SLC13A5: variants seen among roughly 807,000 people sequenced by gnomAD.
The protein encoded by SLC13A5 is Na(+)/citrate cotransporter.
Under a neutral mutation model 56.5 loss-of-function variants are expected in SLC13A5, and 25 were observed. The ratio of observed to expected loss-of-function variants is 0.44; its 90% CI spans 0.32 to 0.62. SLC13A5 has a LOEUF of 0.62. Among genes scored for constraint, SLC13A5 ranks in the 20% least tolerant of loss-of-function variants. The pLI, the probability that SLC13A5 is intolerant of heterozygous loss-of-function variation, is 0.04. For missense variants in SLC13A5, 649 were observed against 737.8 expected (o/e 0.88, Z 1.39); for synonymous variants, 307 against 301.5 (o/e 1.02, Z -0.19).
chr17:6,703,180 G>C (rs367646586), intron 4 of SLC13A5, 42 bp from the exon 5 acceptor site: 39 of 1,609,394 alleles, frequency 2.4e-5, no homozygotes, highest in African/African-American at 2.1e-4. Flanking sequence ...AGTCATGGGG[G>C]CTGCCCACCC....
chr17:6,706,695 C>G lies in SLC13A5; in HGVS notation c.315G>C (p.Leu105=). The G allele has an allele frequency of 6.2e-7, 1 of 1,613,932 alleles. No homozygotes were observed. Among genetic ancestry groups the G allele is most frequent in the Non-Finnish European group, 8.5e-7 (1 of 1,179,958 alleles). Residue 105 remains leucine (L), a synonymous_variant, in exon 3 of 12, where the codon CTG becomes CTC. Transcript: ENST00000433363. The part of the protein sequence containing the change: ...IVAVAVERWN[L]HKRIALRTLL... ...GCGTGCGCAGGGCGATCCTCTTGTG[C>G]AGGTTCCAGCGCTCCACAGCCACGG...
chr17:6,692,960 C>T lies in SLC13A5; in HGVS notation c.1275+84G>A. On this transcript the variant is annotated intron_variant, in intron 9 of 11. Transcript: ENST00000433363. The surrounding 1 kb of genome is among the most constrained non-coding windows in gnomAD (Gnocchi z 5.5). ...CGAAGGATGCAGGCACAGAAACACA[C>T]AAGCCCAGGGATGGAAGGGTGGAGA... 1 of 1,037,802 alleles carries T rather than the reference C, an allele frequency of 9.6e-7. No homozygotes were observed. The highest frequency in any genetic ancestry group is 1.7e-5 in the Admixed American group (1 of 58,366). The allele number at this position is 1,037,802 out of a possible 1,614,324, so 64.3% of individuals were successfully genotyped here.
chr17:6,699,084 T>TAAATAAATAAATA (rs1376978999), intron 6 of SLC13A5, among the ~76,000 whole-genome samples: 33 of 115,304 alleles, frequency 2.9e-4, no homozygotes, highest in African/African-American at 1.0e-3. Flanking sequence ...AATAAATAAA[T>TAAATAAATAAATA]AAATAAAATA....
chr17:6,698,668 C>T (rs1349105144), intron 6 of SLC13A5, among the ~76,000 whole-genome samples: 2 of 152,238 alleles, frequency 1.3e-5, no homozygotes, highest in African/African-American at 2.4e-5. Context: ...CTCCATGCCT[C>T]AGTTGCCTTG....
intron 10 of SLC13A5, chr17:6,689,989 C>G (rs183505173): frequency 7.2e-6 from 1 of 138,768 alleles, no homozygotes; most frequent in Non-Finnish European, 1.5e-5. Context: ...GGTCTTCTGA[C>G]TGCGAGACCA....
At position 6,701,365 on chromosome 17, in the gene SLC13A5, G is replaced by A. The variant is rs566393868; in HGVS notation, c.717-239C>T. 4.6e-5 allele frequency among the ~76,000 whole-genome samples: 7 copies of A among 152,366 alleles called. No individual in the cohort carries two copies. The highest frequency in any genetic ancestry group is 1.7e-4 in the African/African-American group (7 of 41,588). ...AAATGACCCACTGACTCTTCTGTGT[G>A]TCCAGGCCTTGCTAAGAGTCTCATG... On this transcript the variant is annotated intron_variant, in intron 5 of 11. Coordinates refer to ENST00000433363, the MANE Select transcript of SLC13A5 (RefSeq NM_177550.5). This position sits in a 1 kb window ranked among gnomAD's most constrained non-coding sequence, Gnocchi z 4.1.
Position 6,685,662 on chromosome 17 carries a change from G to C in SLC13A5, c.*545C>G, listed in dbSNP as rs774425324. The C allele has an allele frequency of 6.4e-6, 1 of 156,460 alleles. No individual in the cohort carries two copies. Among genetic ancestry groups the C allele is most frequent in the East Asian group, 1.9e-4 (1 of 5,394 alleles). 9.7% of individuals were successfully genotyped at this position (156,460 alleles called of 1,614,324 possible). On this transcript the variant is annotated 3_prime_UTR_variant, in exon 12 of 12. Transcript: ENST00000433363. The surrounding 1 kb of genome is among the most constrained non-coding windows in gnomAD (Gnocchi z 4.2). ...CTTCAGGAGGCTCTGATTCCCACTC[G>C]CACTCCAGCAGTGGGAGGTTGCTCA...
rs991938946 is a variant in SLC13A5, at chr17:6,692,295, G to A, written c.1275+749C>T. ...TGGATGGACGGATGGACGGACGGAT[G>A]GATGGATGAAGACATGAATAGATGC... is the stretch of plus-strand genomic sequence containing the variant. On this transcript the variant is annotated intron_variant, in intron 9 of 11. Coordinates refer to ENST00000433363, the MANE Select transcript of SLC13A5 (RefSeq NM_177550.5). This position sits in a 1 kb window ranked among gnomAD's most constrained non-coding sequence, Gnocchi z 5.5. Among the ~76,000 whole-genome samples, 3 of 151,138 alleles carry A rather than the reference G, an allele frequency of 2.0e-5. No individual in the cohort carries two copies. The highest frequency in any genetic ancestry group is 4.8e-5 in the African/African-American group (2 of 41,352).
Position 6,706,743 on chromosome 17 carries a change from C to T in SLC13A5, c.267G>A (p.Leu89=). 6.2e-7 allele frequency: 1 copy of T among 1,614,100 alleles called. No homozygotes were observed. Among genetic ancestry groups the T allele is most frequent in the Non-Finnish European group, 8.5e-7 (1 of 1,180,008 alleles). ...CGGCCACGATGAGGCCGCCCAGGAA[C>T]AGCATGTTGGTGTCCTTCATGTACT... is the stretch of plus-strand genomic sequence containing the variant. ...CVQYMKDTNM[L]FLGGLIVAVA... is the part of the protein sequence containing the mutation. Residue 89 remains leucine (L), a synonymous_variant, in exon 3 of 12, where the codon CTG becomes CTA. Transcript: ENST00000433363.
chr17:6,688,267 C>A (rs543541184), intron 10 of SLC13A5: 15 of 152,318 alleles, frequency 9.8e-5, no homozygotes, highest in Admixed American at 9.1e-4. Flanking sequence ...AGGGCAGACA[C>A]ATGCAAACAT....
intron 10 of SLC13A5, chr17:6,689,244 T>C (rs564475899): frequency 1.3e-5 from 2 of 152,246 alleles, no homozygotes; most frequent in South Asian, 4.2e-4. Flanking sequence ...CACTGAGGGG[T>C]CCCACGCAGG....
chr17:6,713,095 T>G lies in SLC13A5; in HGVS notation c.102+137A>C. ...GCACCTCCCATCCGGCACCTGGAGC[T>G]CCTGAGTGCGCGCGCCCCGGGAGAG... On this transcript the variant is annotated intron_variant, in intron 1 of 11. Transcript: ENST00000433363. This position sits in a 1 kb window ranked among gnomAD's most constrained non-coding sequence, Gnocchi z 7.3. 1.2e-6 allele frequency: 1 copy of G among 808,824 alleles called. No individual in the cohort carries two copies. Among genetic ancestry groups the G allele is most frequent in the Non-Finnish European group, 2.0e-6 (1 of 507,482 alleles). The allele number at this position is 808,824 out of a possible 1,614,324, so 50.1% of individuals were successfully genotyped here.
intron 3 of SLC13A5, chr17:6,705,167 A>G (rs1022529795): frequency 7.4e-6 from 1 of 135,124 alleles, no homozygotes; most frequent in Non-Finnish European, 1.5e-5. Context: ...TTATGGACCC[A>G]AAAAAAAACA....
At chr17:6,697,094 C>T (rs1973582496) in intron 6 of SLC13A5, among the ~76,000 whole-genome samples, 1 of 152,156 alleles carries the variant, frequency 6.6e-6, no homozygotes, top group Non-Finnish European at 1.5e-5. Context: ...TCCTGAGGGT[C>T]ACCCGCTAGG....
intron 6 of SLC13A5, among the ~76,000 whole-genome samples, chr17:6,698,121 C>A (rs1973608271): frequency 6.6e-6 from 1 of 152,246 alleles, no homozygotes; most frequent in African/African-American, 2.4e-5. Context: ...CCTCTACCTT[C>A]CAGATCTGGA....
At chr17:6,704,743 C>T (rs1426746700) in intron 3 of SLC13A5, 1 of 165,294 alleles carries the variant, frequency 6.0e-6, no homozygotes. Context: ...TGCTGTCTAT[C>T]AGGAAGACTC....
Position 6,693,076 on chromosome 17 carries a change from C to A in SLC13A5, c.1243G>T (p.Gly415Trp). The change falls in exon 9 of 12, where the codon GGG (glycine) becomes TGG (tryptophan). Residue 415 changes from glycine (G) to tryptophan (W), a missense_variant. Coordinates refer to ENST00000433363, the MANE Select transcript of SLC13A5 (RefSeq NM_177550.5). ...KVPWGIVLLL[G>W]GGFALAKGSE... ...CCTTTAGCCAGAGCAAATCCGCCCC[C>A]TAGTAGCAGCACGATGCCCCAGGGC... 6.2e-7 allele frequency: 1 copy of A among 1,614,108 alleles called. No homozygotes were observed. Among genetic ancestry groups the A allele is most frequent in the Non-Finnish European group, 8.5e-7 (1 of 1,180,018 alleles).
In SLC13A5 at chr17:6,713,134, G is replaced by A. The variant is rs1346587821; in HGVS notation, c.102+98C>T. On this transcript the variant is annotated intron_variant, in intron 1 of 11. Coordinates refer to ENST00000433363, the MANE Select transcript of SLC13A5 (RefSeq NM_177550.5). This position sits in a 1 kb window ranked among gnomAD's most constrained non-coding sequence, Gnocchi z 7.3. Reference sequence around the variant, plus strand: ...GCCCCGGGAGAGCTGTGCTCCCCGCGAAATCCGTGCGCTCCAGCTCAGGGC... The same window carrying A: ...GCCCCGGGAGAGCTGTGCTCCCCGCAAAATCCGTGCGCTCCAGCTCAGGGC... 16 of 1,258,348 alleles carry A rather than the reference G, an allele frequency of 1.3e-5. No individual in the cohort carries two copies. Among genetic ancestry groups the A allele is most frequent in the Non-Finnish European group, 1.6e-5 (14 of 889,800 alleles). The allele number at this position is 1,258,348 out of a possible 1,614,324, so 77.9% of individuals were successfully genotyped here.
intron 1 of SLC13A5, among the ~76,000 whole-genome samples, chr17:6,708,236 G>A (rs575895737): frequency 6.6e-6 from 1 of 152,306 alleles, no homozygotes; most frequent in South Asian, 2.1e-4. Context: ...CTAAAGTGCT[G>A]GGATTACAGG....
Sources: allele counts gnomAD v4.1 joint callset (sites outside exome capture counted in the v4.1 genomes callset), GRCh38; gene constraint gnomAD v4.1.1; non-coding constraint Gnocchi (gnomAD v3.1); transcripts MANE v1.5; gene names NCBI Gene and HGNC (gene_info 2026-07-23, HGNC 2026-07-21).